Variants in LIN7A observed in about 807,000 individuals in gnomAD.
The protein encoded by LIN7A is protein lin-7 homolog A.
LIN7A carries 25 observed loss-of-function variants against 29.8 expected under a neutral mutation model. The ratio of observed to expected loss-of-function variants is 0.84; its 90% CI spans 0.61 to 1.17. LIN7A has a LOEUF of 1.17. Among genes scored for constraint, LIN7A ranks in the 50% most tolerant of loss-of-function variants. The pLI is 0.00. For missense variants in LIN7A, 239 were observed against 287.0 expected, an observed-to-expected ratio of 0.83 and a Z score of 1.21; for synonymous variants, 118 against 107.5, an observed-to-expected ratio of 1.10 and a Z score of -0.60.
chr12:80,824,595 C>T (rs1871968448), intron 4 of LIN7A, among the ~76,000 whole-genome samples: 1 of 152,154 alleles, frequency 6.6e-6, no homozygotes, highest in Non-Finnish European at 1.5e-5. Context: ...CCTTGATGAA[C>T]ATAGATGCAG....
In LIN7A at chr12:80,933,963, C is replaced by A. The variant is rs1402591756; in HGVS notation, c.82+3678G>T. ...ATTTTATTTATTTTGTCCATTAGCA[C>A]TGGCACAGTGTATAAAACAATGTTT... is the stretch of plus-strand genomic sequence containing the variant. On this transcript the variant is annotated intron_variant, in intron 1 of 5. Transcript: ENST00000552864. Among the ~76,000 whole-genome samples, 4 of 152,234 alleles carry A rather than the reference C, an allele frequency of 2.6e-5. No homozygotes were observed. In the East Asian group the frequency reaches 7.7e-4, roughly 29 times the overall value.
chr12:80,859,159 C>T lies in LIN7A; in HGVS notation c.202-10837G>A, dbSNP rs181529126. ...GTGTTCCATATAATATTTGACACAC[C>T]GTTAATACTGCATCATAAATGAATT... On this transcript the variant is annotated intron_variant, in intron 2 of 5. Transcript: ENST00000552864. Among the ~76,000 whole-genome samples the T allele has an allele frequency of 3.9e-5, 6 of 152,078 alleles. No homozygotes were observed. In the South Asian group the frequency reaches 6.2e-4, roughly 16 times the overall value.
intron 2 of LIN7A, among the ~76,000 whole-genome samples, chr12:80,852,887 T>C (rs1247463661): frequency 1.3e-5 from 2 of 152,162 alleles, no homozygotes; most frequent in African/African-American, 2.4e-5. Flanking sequence ...CGGAAGCAGG[T>C]GAGAAGCTGC....
At chr12:80,803,461 T>C (rs558807051) in intron 5 of LIN7A, among the ~76,000 whole-genome samples, 1 of 152,228 alleles carries the variant, frequency 6.6e-6, no homozygotes, top group Admixed American at 6.5e-5. Flanking sequence ...ATTTCTGGGT[T>C]CTCTAGCTTG....
intron 1 of LIN7A, among the ~76,000 whole-genome samples, chr12:80,917,293 C>G (rs1382796789): frequency 6.6e-6 from 1 of 152,178 alleles, no homozygotes; most frequent in African/African-American, 2.4e-5. Flanking sequence ...TAAAACCCAT[C>G]AGGCCAGCCA....
chr12:80,824,243 A>G (rs1285467551), intron 4 of LIN7A, among the ~76,000 whole-genome samples: 1 of 152,202 alleles, frequency 6.6e-6, no homozygotes, highest in Non-Finnish European at 1.5e-5. Context: ...ACACCTTTAT[A>G]CACATAGACT....
Position 80,937,668 on chromosome 12 carries a change from C to A in LIN7A, c.55G>T (p.Val19Leu). ...APTADMATLTVVQPLTLDRDV... is the reference protein window; with the variant it reads ...APTADMATLTLVQPLTLDRDV... ...CTGTCCAGGGTGAGCGGCTGGACCA[C>A]TGTCAATGTCGCCATGTCTGCCGTG... Residue 19 changes from valine to leucine, a missense_variant, in exon 1 of 6, where the codon GTG (valine) becomes TTG (leucine). Val to Leu is a conservative substitution (Grantham distance 32). Coordinates refer to ENST00000552864, the MANE Select transcript of LIN7A (RefSeq NM_004664.4). 6.4e-7 allele frequency: 1 copy of A among 1,570,814 alleles called. No individual in the cohort carries two copies. The highest frequency in any genetic ancestry group is 8.7e-7 in the Non-Finnish European group (1 of 1,155,326).
At chr12:80,926,244 T>C (rs1418503237) in intron 1 of LIN7A, among the ~76,000 whole-genome samples, 2 of 152,356 alleles carry the variant, frequency 1.3e-5, no homozygotes, top group East Asian at 3.9e-4. Context: ...ATCTATCTTG[T>C]TTATTTCTGT....
chr12:80,867,407 G>A (rs146536373), intron 2 of LIN7A, among the ~76,000 whole-genome samples: 396 of 152,238 alleles, frequency 2.6e-3, no homozygotes, highest in African/African-American at 8.8e-3. Context: ...GACCCACCTA[G>A]CCGAGGATAG....
intron 2 of LIN7A, among the ~76,000 whole-genome samples, chr12:80,855,040 G>C (rs1365882700): frequency 6.6e-6 from 1 of 152,056 alleles, no homozygotes; most frequent in Non-Finnish European, 1.5e-5. Context: ...AGATTTTGTA[G>C]TGCCTCGTTA....
At chr12:80,863,279 C>T (rs566264031) in intron 2 of LIN7A, among the ~76,000 whole-genome samples, 6 of 152,326 alleles carry the variant, frequency 3.9e-5, no homozygotes, top group South Asian at 2.1e-4. Flanking sequence ...TAGTTCTCTG[C>T]TTTCTTGTAG....
chr12:80,864,703 A>G (rs1874052005), intron 2 of LIN7A, among the ~76,000 whole-genome samples: 1 of 152,204 alleles, frequency 6.6e-6, no homozygotes, highest in African/African-American at 2.4e-5. Context: ...GTATGGAAAA[A>G]GGCATCAAAA....
intron 1 of LIN7A, chr12:80,936,529 T>G (rs1878227396): frequency 6.6e-6 from 1 of 152,220 alleles, no homozygotes. Context: ...GAGTACACCA[T>G]TTCCAAATGG....
At chr12:80,923,050 G>A (rs1877396512) in intron 1 of LIN7A, among the ~76,000 whole-genome samples, 1 of 152,166 alleles carries the variant, frequency 6.6e-6, no homozygotes, top group South Asian at 2.1e-4. Flanking sequence ...TGGAATTTGA[G>A]TCAGTGAACT....
chr12:80,794,932 G>A lies in LIN7A; in HGVS notation c.*2795C>T, dbSNP rs1854799085. 6.6e-6 allele frequency: 1 copy of A among 151,930 alleles called. No homozygotes were observed. Among genetic ancestry groups the A allele is most frequent in the Admixed American group, 6.6e-5 (1 of 15,228 alleles). 9.4% of individuals were successfully genotyped at this position (151,930 alleles called of 1,614,324 possible). ...TGTATTTGCCTTCAAAATCATAGCA[G>A]GAAAAAGTTTAGAAAAATCTATCCC... On this transcript the variant is annotated 3_prime_UTR_variant, in exon 6 of 6. Transcript: ENST00000552864.
intron 2 of LIN7A, among the ~76,000 whole-genome samples, chr12:80,872,674 G>A (rs1415606238): frequency 6.6e-6 from 1 of 152,182 alleles, no homozygotes. Flanking sequence ...TTGGAGGAAA[G>A]ACATATTTTA....
At chr12:80,829,405 C>T (rs1872236524) in intron 4 of LIN7A, among the ~76,000 whole-genome samples, 1 of 152,126 alleles carries the variant, frequency 6.6e-6, no homozygotes, top group Non-Finnish European at 1.5e-5. Flanking sequence ...TTTTCCTTTC[C>T]TATATTTCCT....
At chr12:80,882,980 C>T (rs1875141060) in intron 2 of LIN7A, among the ~76,000 whole-genome samples, 1 of 152,088 alleles carries the variant, frequency 6.6e-6, no homozygotes, top group Non-Finnish European at 1.5e-5. Flanking sequence ...CATCCATTGC[C>T]AATATTCTTT....
chr12:80,917,352 G>A (rs552613238), intron 1 of LIN7A, among the ~76,000 whole-genome samples: 4 of 152,276 alleles, frequency 2.6e-5, no homozygotes, highest in African/African-American at 9.6e-5. Context: ...TGAATGCAAA[G>A]GATGACCAGA....
Sources: allele counts gnomAD v4.1 joint callset (sites outside exome capture counted in the v4.1 genomes callset), GRCh38; gene constraint gnomAD v4.1.1; transcripts MANE v1.5; gene names NCBI Gene and HGNC (gene_info 2026-07-23, HGNC 2026-07-21).